The following RORA variants were observed in gnomAD, a reference collection of about 807,000 sequenced individuals.
RORA encodes the protein nuclear receptor ROR-alpha.
Under a neutral mutation model 69.5 loss-of-function variants are expected in RORA, and 7 were observed. That is an observed-to-expected ratio of 0.10 (90% CI 0.06 to 0.19). The LOEUF is 0.19. Among genes scored for constraint, RORA ranks in the 10% least tolerant of loss-of-function variants. The probability of loss-of-function intolerance (pLI) is 1.00; values close to 1 mark genes in which losing one functional copy is unlikely to be tolerated. For missense variants in RORA, 457 were observed against 663.0 expected, an observed-to-expected ratio of 0.69 and a Z score of 3.41; for synonymous variants, 261 against 240.8, an observed-to-expected ratio of 1.08 and a Z score of -0.78.
chr15:61,146,851 C>G (rs2140869605), intron 1 of RORA, among the ~76,000 whole-genome samples: 1 of 152,190 alleles, frequency 6.6e-6, no homozygotes, highest in South Asian at 2.1e-4. Context: ...GGTTAGACAC[C>G]CAAGCGGGCA....
At chr15:60,653,339 A>G (rs2070173899) in intron 2 of RORA, among the ~76,000 whole-genome samples, 1 of 151,472 alleles carries the variant, frequency 6.6e-6, no homozygotes, top group Non-Finnish European at 1.5e-5. Context: ...GCGTATTTGA[A>G]CATGTTCAGG....
chr15:60,802,834 A>T (rs1217028081), intron 1 of RORA, among the ~76,000 whole-genome samples: 1 of 152,158 alleles, frequency 6.6e-6, no homozygotes, highest in Non-Finnish European at 1.5e-5. Flanking sequence ...CTGAGAGAAG[A>T]CCTAAGAAAG....
chr15:60,528,052 G>A (rs570032381), intron 3 of RORA: 2 of 152,480 alleles, frequency 1.3e-5, no homozygotes, highest in Admixed American at 1.3e-4. Context: ...GTGGATATGT[G>A]CTTCTTTTTT....
chr15:60,702,895 C>A (rs2071004301), intron 1 of RORA, among the ~76,000 whole-genome samples: 1 of 152,168 alleles, frequency 6.6e-6, no homozygotes, highest in African/African-American at 2.4e-5. Context: ...CATTTTCATT[C>A]AAAATATCTG....
chr15:61,039,465 CA>C (rs1340808933), intron 1 of RORA, among the ~76,000 whole-genome samples: 8 of 152,022 alleles, frequency 5.3e-5, no homozygotes, highest in Non-Finnish European at 7.4e-5. Flanking sequence ...CTTGGTAAAA[CA>C]GATGGTTGGG....
At chr15:60,837,571 C>T (rs1322797710) in intron 1 of RORA, among the ~76,000 whole-genome samples, 1 of 152,226 alleles carries the variant, frequency 6.6e-6, no homozygotes, top group African/African-American at 2.4e-5. Context: ...TCCTGCCCTG[C>T]CTTCCATGGG....
chr15:60,636,413 T>C (rs545458820), intron 2 of RORA, among the ~76,000 whole-genome samples: 2 of 152,248 alleles, frequency 1.3e-5, no homozygotes, highest in South Asian at 2.1e-4. Context: ...GCAAAAGTAA[T>C]TGTGGTTTTT....
At chr15:61,198,449 T>C (rs2079864538) in intron 1 of RORA, among the ~76,000 whole-genome samples, 1 of 152,140 alleles carries the variant, frequency 6.6e-6, no homozygotes, top group Non-Finnish European at 1.5e-5. Flanking sequence ...TGTTCGGGAA[T>C]GAGCAATACC....
intron 1 of RORA, among the ~76,000 whole-genome samples, chr15:60,702,435 T>C (rs1232663032): frequency 6.6e-6 from 1 of 152,120 alleles, no homozygotes; most frequent in Non-Finnish European, 1.5e-5. Context: ...TTTTGCCGTG[T>C]TGGCCAGGCT....
At chr15:60,697,340 T>C (rs2140785034) in intron 1 of RORA, among the ~76,000 whole-genome samples, 1 of 152,310 alleles carries the variant, frequency 6.6e-6, no homozygotes, top group South Asian at 2.1e-4. Context: ...CAAACTGTTT[T>C]TTCAAAAGCC....
chr15:60,524,098 C>G (rs962341844), intron 3 of RORA, among the ~76,000 whole-genome samples: 3 of 152,156 alleles, frequency 2.0e-5, no homozygotes, highest in African/African-American at 7.2e-5. Flanking sequence ...TAATCTCTGC[C>G]TCCTCCCCAC....
chr15:60,719,224 A>C (rs1348541926), intron 1 of RORA, among the ~76,000 whole-genome samples: 1 of 151,716 alleles, frequency 6.6e-6, no homozygotes, highest in Non-Finnish European at 1.5e-5. Context: ...ACATATTTAA[A>C]AATATATACA....
intron 1 of RORA, among the ~76,000 whole-genome samples, chr15:60,887,148 G>C (rs972035704): frequency 1.4e-5 from 2 of 145,016 alleles, no homozygotes; most frequent in African/African-American, 4.9e-5. Flanking sequence ...AGCTGAGAGA[G>C]AGAGAGAGAG....
chr15:60,648,080 G>GGGA (rs1194686106), intron 2 of RORA, among the ~76,000 whole-genome samples: 1 of 152,236 alleles, frequency 6.6e-6, no homozygotes, highest in Non-Finnish European at 1.5e-5. Context: ...GGCAGACTGA[G>GGGA]GGAGGAGGAG....
chr15:60,890,138 T>G (rs969393333), intron 1 of RORA, among the ~76,000 whole-genome samples: 1 of 152,230 alleles, frequency 6.6e-6, no homozygotes, highest in Non-Finnish European at 1.5e-5. Context: ...CACATACGCA[T>G]CCCTGCATTA....
intron 1 of RORA, among the ~76,000 whole-genome samples, chr15:60,861,788 A>G (rs1183313518): frequency 6.6e-6 from 1 of 152,166 alleles, no homozygotes; most frequent in East Asian, 1.9e-4. Flanking sequence ...CTCTATTTAA[A>G]TAGCCCTGCA....
At chr15:60,818,497 A>G (rs1240162681) in intron 1 of RORA, among the ~76,000 whole-genome samples, 1 of 152,196 alleles carries the variant, frequency 6.6e-6, no homozygotes, top group East Asian at 1.9e-4. Context: ...CAAAGTGGCA[A>G]AGCCCAATGC....
chr15:61,114,163 A>G (rs1338527325), intron 1 of RORA, among the ~76,000 whole-genome samples: 1 of 152,152 alleles, frequency 6.6e-6, no homozygotes, highest in African/African-American at 2.4e-5. Context: ...AGGGAACTGG[A>G]GAGACTTTTT....
chr15:61,036,111 C>T (rs1026105428), intron 1 of RORA, among the ~76,000 whole-genome samples: 7 of 152,058 alleles, frequency 4.6e-5, no homozygotes, highest in Non-Finnish European at 8.8e-5. Context: ...CAGAAAGGAC[C>T]GCATTAACCC....
Sources: allele counts gnomAD v4.1 joint callset (sites outside exome capture counted in the v4.1 genomes callset), GRCh38; gene constraint gnomAD v4.1.1; transcripts MANE v1.5; gene names NCBI Gene and HGNC (gene_info 2026-07-23, HGNC 2026-07-21).